The following DEPTOR variants were observed in gnomAD, a reference collection of about 807,000 sequenced individuals.
DEPTOR encodes DEP domain-containing mTOR-interacting protein.
DEPTOR carries 41 observed loss-of-function variants against 41.6 expected under a neutral mutation model. The ratio of observed to expected loss-of-function variants is 0.98; its 90% CI spans 0.77 to 1.28. The LOEUF is 1.28. DEPTOR is among the 50% of genes most tolerant of loss of function. The pLI is 0.00. For synonymous variants in DEPTOR, 195 were observed against 192.3 expected (o/e 1.01, Z -0.12); for missense variants, 514 against 527.9 (o/e 0.97, Z 0.26).
intron 8 of DEPTOR, among the ~76,000 whole-genome samples, chr8:120,033,121 C>G (rs1812919106): frequency 8.2e-6 from 1 of 121,538 alleles, no homozygotes; most frequent in African/African-American, 3.2e-5. Context: ...AAATTTCACT[C>G]TTGTTGCCCA....
intron 8 of DEPTOR, among the ~76,000 whole-genome samples, chr8:120,043,821 C>CA (rs1813115379): frequency 6.6e-6 from 1 of 151,790 alleles, no homozygotes; most frequent in Non-Finnish European, 1.5e-5. Context: ...AGACCAGCCT[C>CA]GCCAACATGG....
In DEPTOR at chr8:120,010,335, C is replaced by T. The variant is rs148583401; in HGVS notation, c.1101+1202C>T. On this transcript the variant is annotated intron_variant, in intron 8 of 8. Transcript: ENST00000286234. Reference sequence around the variant, plus strand: ...AGTACTAAAATGATACATATACGTGCCAGGTATGGTGGCTCATGCCTGTAA... The same window carrying T: ...AGTACTAAAATGATACATATACGTGTCAGGTATGGTGGCTCATGCCTGTAA... Among the ~76,000 whole-genome samples the T allele has an allele frequency of 9.9e-5, 15 of 151,736 alleles. No homozygotes were observed. The East Asian group carries it at 2.7e-3, about 27-fold the overall frequency.
At chr8:119,940,401 A>G (rs762524766) in intron 3 of DEPTOR, among the ~76,000 whole-genome samples, 20 of 152,204 alleles carry the variant, frequency 1.3e-4, no homozygotes, top group Admixed American at 9.8e-4. Context: ...CTGATGAATG[A>G]ATAAACAAAA....
chr8:120,000,643 A>C (rs988249050), intron 4 of DEPTOR, among the ~76,000 whole-genome samples: 1 of 151,880 alleles, frequency 6.6e-6, no homozygotes, highest in South Asian at 2.1e-4. Flanking sequence ...TTGTATTTTT[A>C]GTAGAGACGA....
chr8:119,886,190 C>T (rs947498780), intron 1 of DEPTOR, among the ~76,000 whole-genome samples: 2 of 152,170 alleles, frequency 1.3e-5, no homozygotes, highest in African/African-American at 4.8e-5. Context: ...TTGGTTCTCT[C>T]TTGTAGCTCC....
chr8:119,901,675 C>CAAAA (rs36026315), intron 1 of DEPTOR, among the ~76,000 whole-genome samples: 2 of 88,280 alleles, frequency 2.3e-5, no homozygotes, highest in African/African-American at 3.7e-5. Context: ...GACTCTGTCT[C>CAAAA]AAAAAAAAAA....
intron 1 of DEPTOR, among the ~76,000 whole-genome samples, chr8:119,884,932 T>C (rs949911481): frequency 1.3e-5 from 2 of 152,104 alleles, no homozygotes; most frequent in African/African-American, 4.8e-5. Flanking sequence ...TGAACCACCA[T>C]GCCCAGCTAA....
chr8:120,038,419 G>A (rs888138862), intron 8 of DEPTOR, among the ~76,000 whole-genome samples: 41 of 151,728 alleles, frequency 2.7e-4, no homozygotes, highest in Non-Finnish European at 4.9e-4. Flanking sequence ...GGGCAACATG[G>A]CAAAATCCTG....
At chr8:120,018,380 C>T (rs1163151572) in intron 8 of DEPTOR, among the ~76,000 whole-genome samples, 1 of 152,128 alleles carries the variant, frequency 6.6e-6, no homozygotes, top group Non-Finnish European at 1.5e-5. Flanking sequence ...GAGTTCGAGA[C>T]CAGCCTGGCC....
chr8:119,909,823 T>A (rs534447035), intron 1 of DEPTOR, among the ~76,000 whole-genome samples: 104 of 152,362 alleles, frequency 6.8e-4, no homozygotes, highest in Non-Finnish European at 1.2e-3. Context: ...CAAATCAAGT[T>A]TTCGCAAATG....
intron 1 of DEPTOR, among the ~76,000 whole-genome samples, chr8:119,921,125 T>C (rs555235643): frequency 1.3e-5 from 2 of 152,216 alleles, no homozygotes; most frequent in East Asian, 3.9e-4. Flanking sequence ...TAAAGGCATG[T>C]GCCACCACAC....
At chr8:120,030,874 C>A (rs1020394734) in intron 8 of DEPTOR, among the ~76,000 whole-genome samples, 6 of 151,974 alleles carry the variant, frequency 3.9e-5, no homozygotes, top group Non-Finnish European at 7.4e-5. Flanking sequence ...AAGCTCACTG[C>A]AACCTCCAGG....
intron 1 of DEPTOR, among the ~76,000 whole-genome samples, chr8:119,906,958 C>T (rs1228615056): frequency 6.6e-6 from 1 of 152,176 alleles, no homozygotes; most frequent in Admixed American, 6.6e-5. Context: ...TATTGTGACT[C>T]TCTTGGCAGG....
intron 3 of DEPTOR, among the ~76,000 whole-genome samples, chr8:119,950,673 T>G (rs1474750579): frequency 6.6e-6 from 1 of 152,112 alleles, no homozygotes; most frequent in Non-Finnish European, 1.5e-5. Flanking sequence ...CTCGGCTCAT[T>G]GCAATCTCCG....
chr8:119,913,400 A>C (rs1035444811), intron 1 of DEPTOR, among the ~76,000 whole-genome samples: 3 of 152,222 alleles, frequency 2.0e-5, no homozygotes, highest in Admixed American at 6.5e-5. Flanking sequence ...AGGCATTTTC[A>C]CTGGTTTACA....
intron 4 of DEPTOR, among the ~76,000 whole-genome samples, chr8:119,990,433 G>C (rs1396393920): frequency 2.0e-5 from 3 of 152,212 alleles, no homozygotes. Context: ...CGGGATTACA[G>C]GCGTGAGCCA....
Position 120,009,140 on chromosome 8 carries a change from A to G in DEPTOR, c.1101+7A>G. 1 of 1,612,742 alleles carries G rather than the reference A, an allele frequency of 6.2e-7. No individual in the cohort carries two copies. The highest frequency in any genetic ancestry group is 2.2e-5 in the East Asian group (1 of 44,870). The stretch of plus-strand genomic sequence containing the variant: ...AGCCGCAGCAGGAATGAAGGTACTA[A>G]CGGGTCTTTCTCACCCTCTTTTATA... On this transcript the variant is annotated splice_region_variant and intron_variant, in intron 8 of 8. Coordinates refer to ENST00000286234, the MANE Select transcript of DEPTOR (RefSeq NM_022783.4).
rs183867863 is a variant in DEPTOR at position 119,969,373 on chromosome 8, A to T, written c.604+3963A>T. Reference sequence around the variant, plus strand: ...TTGTTTTTTTTTGTTTTTTTTTTTGAGATGGAGTTTTGCTCTTGTTGCCCA... The same window carrying T: ...TTGTTTTTTTTTGTTTTTTTTTTTGTGATGGAGTTTTGCTCTTGTTGCCCA... On this transcript the variant is annotated intron_variant, in intron 4 of 8. Coordinates refer to ENST00000286234, the MANE Select transcript of DEPTOR (RefSeq NM_022783.4). 1.5e-3 allele frequency among the ~76,000 whole-genome samples: 216 copies of T among 140,632 alleles called. 2 individuals are homozygous for T. The East Asian group carries it at 0.039, about 25-fold the overall frequency. The allele number at this position is 140,632 out of a possible 152,430, so 92.3% of individuals were successfully genotyped here.
intron 1 of DEPTOR, among the ~76,000 whole-genome samples, chr8:119,916,282 T>G (rs13261455): frequency 0.015 from 828 of 55,558 alleles, 39 homozygotes; most frequent in African/African-American, 0.024. Flanking sequence ...TTTTTTTTTT[T>G]TTTTTTTTTT....
Sources: gnomAD v4.1 joint callset for allele counts (sites outside exome capture counted in the v4.1 genomes callset) on GRCh38, gnomAD v4.1.1 for gene constraint, MANE v1.5 for transcripts, NCBI Gene and HGNC (gene_info 2026-07-23, HGNC 2026-07-21) for gene names.